PFKM: variants seen among roughly 807,000 people sequenced by gnomAD.
The protein encoded by PFKM is phosphofructokinase, muscle.
In PFKM, 58 loss-of-function variants were observed where a neutral mutation model predicts 95.5. The ratio of observed to expected loss-of-function variants is 0.61; its 90% CI spans 0.49 to 0.76. The LOEUF is 0.76. PFKM is among the 30% of genes least tolerant of loss of function. The pLI is 0.00. For missense variants in PFKM, 678 were observed against 1,005.4 expected, an observed-to-expected ratio of 0.67 and a Z score of 4.40; for synonymous variants, 336 against 357.2, an observed-to-expected ratio of 0.94 and a Z score of 0.67.
chr12:48,133,431 C>G lies in PFKM; in HGVS notation c.544C>G (p.Leu182Val). 5 of 1,614,102 alleles carry G rather than the reference C, an allele frequency of 3.1e-6. No individual in the cohort carries two copies. The highest frequency in any genetic ancestry group is 4.2e-6 in the Non-Finnish European group (5 of 1,179,976). Residue 182 changes from leucine (L) to valine (V), a missense_variant, in exon 6 of 23, where the codon CTG becomes GTG. Transcript: ENST00000359794. ...TATGACCATTGGCACTGACTCTGCC[C>G]TGCATCGGATCATGGAAATTGTAGA... ...TDMTIGTDSALHRIMEIVDAI... is the reference protein window; with the variant it reads ...TDMTIGTDSAVHRIMEIVDAI...
intron 3 of PFKM, 26 bp downstream of exon 3, chr12:48,130,462 C>G (rs760283829): frequency 1.3e-6 from 2 of 1,532,074 alleles, no homozygotes; most frequent in Admixed American, 3.3e-5. Context: ...TGTTCTTCAT[C>G]ATTCTTTCTC....
upstream of PFKM, among the ~76,000 whole-genome samples, chr12:48,115,169 T>C (rs1285792047): frequency 2.0e-5 from 3 of 152,032 alleles, no homozygotes; most frequent in East Asian, 3.9e-4. Flanking sequence ...CAATGGAACA[T>C]GGGTGAATAA....
chr12:48,112,753 G>A lies in PFKM; in HGVS notation c.205+4559G>A, dbSNP rs139499448. On this transcript the variant is annotated intron_variant, in intron 3 of 24. Coordinates refer to the PFKM transcript ENST00000340802. ...GATCCTGAACTAACCTGTAAGGCTTGTCTGGTTTTTGGATAGGTAAAATGG... is the reference window on the plus strand; with the variant it reads ...GATCCTGAACTAACCTGTAAGGCTTATCTGGTTTTTGGATAGGTAAAATGG... Among the ~76,000 whole-genome samples the A allele has an allele frequency of 9.1e-3, 1,383 of 152,316 alleles. 14 individuals carry two copies. The highest frequency in any genetic ancestry group is 0.014 in the South Asian group (67 of 4,816).
chr12:48,139,036 G>A (rs149652126), intron 11 of PFKM, among the ~76,000 whole-genome samples: 21 of 151,864 alleles, frequency 1.4e-4, no homozygotes, highest in South Asian at 2.1e-4. Flanking sequence ...GCGAGACTCC[G>A]TCTCAAAAAA....
intron 3 of PFKM, among the ~76,000 whole-genome samples, chr12:48,108,773 A>G (rs1179715062): frequency 3.3e-5 from 5 of 152,222 alleles, no homozygotes; most frequent in Non-Finnish European, 7.3e-5. Context: ...GGAAACCTTT[A>G]TTGAGTTCCC....
intron 3 of PFKM, among the ~76,000 whole-genome samples, chr12:48,109,875 T>C (rs1372968409): frequency 2.6e-5 from 4 of 152,328 alleles, no homozygotes; most frequent in African/African-American, 9.6e-5. Flanking sequence ...CCTCCTTCTT[T>C]GACTTCCTTC....
chr12:48,131,423 T>G (rs1302794392), intron 4 of PFKM, 30 bp downstream of exon 4: 4 of 1,505,538 alleles, frequency 2.7e-6, no homozygotes, highest in Non-Finnish European at 1.8e-6. Flanking sequence ...CTGTCCCATA[T>G]TTGCTCTGTC....
chr12:48,130,336 C>T (rs181664132), intron 2 of PFKM, 27 bp from the exon 3 acceptor site: 37 of 1,589,268 alleles, frequency 2.3e-5, no homozygotes, highest in African/African-American at 4.0e-5. Context: ...GCAACCTCTC[C>T]GTGACTTCTT....
chr12:48,145,980 T>A lies in PFKM; in HGVS notation c.*272T>A, dbSNP rs1039276533. The A allele has an allele frequency of 2.2e-6, 1 of 454,306 alleles. No individual in the cohort carries two copies. Among genetic ancestry groups the A allele is most frequent in the Admixed American group, 3.8e-5 (1 of 26,476 alleles). The allele number at this position is 454,306 out of a possible 1,614,324, so 28.1% of individuals were successfully genotyped here. On this transcript the variant is annotated 3_prime_UTR_variant, in exon 23 of 23. Coordinates refer to ENST00000359794, the MANE Select transcript of PFKM (RefSeq NM_000289.6). This position sits in a 1 kb window ranked among gnomAD's most constrained non-coding sequence, Gnocchi z 4.3. Reference sequence around the variant, plus strand: ...CTACTGCTAGATATCACTTACTCAGTTAGAATTTTCCTAAAAATAAGCTTT... The same window carrying A: ...CTACTGCTAGATATCACTTACTCAGATAGAATTTTCCTAAAAATAAGCTTT...
intron 1 of PFKM, 89 bp downstream of exon 1, chr12:48,119,495 GA>G: frequency 1.4e-6 from 1 of 693,630 alleles, no homozygotes; most frequent in Non-Finnish European, 1.8e-6. Context: ...AGGGAGAACT[GA>G]AAGGAGCAGA....
At chr12:48,117,734 C>T (rs1352224312), upstream of PFKM, among the ~76,000 whole-genome samples, 4 of 152,168 alleles carry the variant, frequency 2.6e-5, no homozygotes, top group East Asian at 3.8e-4. Context: ...GAGCCAAATA[C>T]GAGTGACCAA....
intron 10 of PFKM, 113 bp from the exon 11 acceptor site, chr12:48,137,608 T>C (rs1381073775): frequency 8.0e-7 from 1 of 1,256,264 alleles, no homozygotes; most frequent in Non-Finnish European, 1.2e-6. Context: ...CAGTTCTTAA[T>C]TGTGAGACTC....
At chr12:48,111,644 T>C (rs1265979463) in intron 3 of PFKM, among the ~76,000 whole-genome samples, 1 of 152,162 alleles carries the variant, frequency 6.6e-6, no homozygotes, top group Non-Finnish European at 1.5e-5. Flanking sequence ...TGAGTGGCGA[T>C]TAGGCCTGGT....
intron 11 of PFKM, 126 bp from the exon 12 acceptor site, chr12:48,139,159 G>C: frequency 1.3e-6 from 1 of 760,886 alleles, no homozygotes; most frequent in Non-Finnish European, 2.4e-6. Flanking sequence ...TAGGAAAGGT[G>C]GGGTGTAGAA....
intron 20 of PFKM, among the ~76,000 whole-genome samples, chr12:48,144,516 G>T (rs1218248841): frequency 2.0e-5 from 3 of 152,098 alleles, no homozygotes; most frequent in Non-Finnish European, 4.4e-5. Context: ...GATGCCAGTA[G>T]CACCTCCCTC....
chr12:48,141,750 A>G lies in PFKM; in HGVS notation c.1423A>G (p.Lys475Glu). ...TCACTGATCAACTAGGACTCTACCC[A>G]AGAAGAGCTTTGAACAGATCAGTGC... ...SKLGTKRTLPKKSFEQISANI... is the reference protein window; with the variant it reads ...SKLGTKRTLPEKSFEQISANI... Residue 475 changes from lysine (K) to glutamate (E), a missense_variant, in exon 16 of 23, where the codon AAG (lysine) becomes GAG (glutamate). By Grantham distance (56) the Lys-to-Glu change is moderately conservative (BLOSUM62 1). Coordinates refer to ENST00000359794, the MANE Select transcript of PFKM (RefSeq NM_000289.6). 1 of 1,611,418 alleles carries G rather than the reference A, an allele frequency of 6.2e-7. No individual in the cohort carries two copies. The highest frequency in any genetic ancestry group is 8.5e-7 in the Non-Finnish European group (1 of 1,177,546).
chr12:48,126,942 C>T (rs529623577), intron 2 of PFKM, among the ~76,000 whole-genome samples: 2 of 152,298 alleles, frequency 1.3e-5, no homozygotes, highest in East Asian at 3.9e-4. Flanking sequence ...TACTGAGAAG[C>T]CCCTCTCTTC....
At chr12:48,139,152 G>A (rs1950362219) in intron 11 of PFKM, 133 bp from the exon 12 acceptor site, 1 of 741,772 alleles carries the variant, frequency 1.3e-6, no homozygotes. Context: ...GGGGGCATAG[G>A]AAAGGTGGGG....
At chr12:48,131,747 C>G (rs1949516152) in intron 4 of PFKM, 6 of 372,072 alleles carry the variant, frequency 1.6e-5, no homozygotes, top group South Asian at 1.3e-4. Flanking sequence ...AGAAGTGGAG[C>G]TGAAATCTGC....
Sources: gnomAD v4.1 joint callset for allele counts (sites outside exome capture counted in the v4.1 genomes callset) on GRCh38, gnomAD v4.1.1 for gene constraint, Gnocchi (gnomAD v3.1) non-coding constraint, MANE v1.5 for transcripts, NCBI Gene and HGNC (gene_info 2026-07-23, HGNC 2026-07-21) for gene names.